QRFPR: variants seen among roughly 807,000 people sequenced by gnomAD.
QRFPR encodes pyroglutamylated RFamide peptide receptor.
In QRFPR, 37 loss-of-function variants were observed where a neutral mutation model predicts 31.3. That is an observed-to-expected ratio of 1.18 (90% CI 0.91 to 1.56). The LOEUF is 1.56. Among genes scored for constraint, QRFPR ranks in the 40% most tolerant of loss-of-function variants. The pLI is 0.00. For synonymous variants in QRFPR, 197 were observed against 192.0 expected, an observed-to-expected ratio of 1.03 and a Z score of -0.22; for missense variants, 542 against 532.5, an observed-to-expected ratio of 1.02 and a Z score of -0.18.
chr4:121,370,963 T>C (rs1014443500), intron 1 of QRFPR, among the ~76,000 whole-genome samples: 1 of 152,208 alleles, frequency 6.6e-6, no homozygotes, highest in Non-Finnish European at 1.5e-5. Context: ...CTTCTCTCCT[T>C]GGTCTTCTAA....
At position 121,348,678 on chromosome 4, in the gene QRFPR, T is replaced by C. The variant is rs1394817680; in HGVS notation, c.341-8068A>G. On this transcript the variant is annotated intron_variant, in intron 1 of 5. Coordinates refer to ENST00000394427, the MANE Select transcript of QRFPR (RefSeq NM_198179.3). ...ATTCTTATATATCTTAAAATGGCTG[T>C]AGTTTGACTTAAATTCAACATCATC... 2.0e-5 allele frequency among the ~76,000 whole-genome samples: 3 copies of C among 152,214 alleles called. No homozygotes were observed. The South Asian group carries it at 6.2e-4, about 31-fold the overall frequency.
chr4:121,332,031 G>T (rs1725337504), intron 4 of QRFPR, among the ~76,000 whole-genome samples: 1 of 152,106 alleles, frequency 6.6e-6, no homozygotes, highest in African/African-American at 2.4e-5. Flanking sequence ...GTCCCAAGGT[G>T]CGGACAGTCT....
chr4:121,329,270 G>A lies in QRFPR; in HGVS notation c.*44C>T. The stretch of plus-strand genomic sequence containing the variant: ...CTTTGCTCAAAATAATTTTCTCTTT[G>A]GGTTACAATCTGAAGGGCATTAATT... On this transcript the variant is annotated 3_prime_UTR_variant, in exon 6 of 6. Coordinates refer to ENST00000394427, the MANE Select transcript of QRFPR (RefSeq NM_198179.3). The A allele has an allele frequency of 7.1e-7, 1 of 1,408,386 alleles. No homozygotes were observed. The highest frequency in any genetic ancestry group is 9.7e-7 in the Non-Finnish European group (1 of 1,035,100). The allele number at this position is 1,408,386 out of a possible 1,614,324, so 87.2% of individuals were successfully genotyped here.
intron 1 of QRFPR, among the ~76,000 whole-genome samples, chr4:121,350,202 G>T (rs1166333008): frequency 6.6e-6 from 1 of 152,092 alleles, no homozygotes; most frequent in Non-Finnish European, 1.5e-5. Context: ...GTCATTTTAG[G>T]ATGAAAAACT....
chr4:121,329,911 G>T (rs1177562419), intron 5 of QRFPR, among the ~76,000 whole-genome samples, 197 bp from the exon 6 acceptor site: 1 of 152,140 alleles, frequency 6.6e-6, no homozygotes, highest in Non-Finnish European at 1.5e-5. Flanking sequence ...GAGAATCTAG[G>T]TTTACATGCG....
At chr4:121,370,884 C>T (rs1413748061) in intron 1 of QRFPR, among the ~76,000 whole-genome samples, 1 of 152,084 alleles carries the variant, frequency 6.6e-6, no homozygotes, top group Non-Finnish European at 1.5e-5. Flanking sequence ...GATCTAAAAC[C>T]TGTATCTTTG....
chr4:121,357,233 T>C (rs1006369313), intron 1 of QRFPR, among the ~76,000 whole-genome samples: 3 of 152,086 alleles, frequency 2.0e-5, no homozygotes, highest in African/African-American at 7.2e-5. Context: ...AGAGGTTGTC[T>C]GCATTCCTTG....
At chr4:121,348,779 A>G (rs565480248) in intron 1 of QRFPR, among the ~76,000 whole-genome samples, 8 of 152,238 alleles carry the variant, frequency 5.3e-5, no homozygotes, top group Non-Finnish European at 1.2e-4. Context: ...CTATATTGTC[A>G]GCTTGATTTT....
intron 1 of QRFPR, among the ~76,000 whole-genome samples, chr4:121,373,058 C>T (rs13119176): frequency 0.16 from 24,563 of 152,084 alleles, 2,539 homozygotes; most frequent in Non-Finnish European, 0.24. Context: ...GTAGAATATT[C>T]CCTTTTTTTT....
chr4:121,378,408 T>A (rs1194535277), intron 1 of QRFPR, among the ~76,000 whole-genome samples: 1 of 64,848 alleles, frequency 1.5e-5, no homozygotes, highest in African/African-American at 8.8e-5. Flanking sequence ...CTCACTGCAC[T>A]TTTTTTTTTT....
chr4:121,341,644 A>G (rs1216423780), intron 1 of QRFPR, among the ~76,000 whole-genome samples: 1 of 152,196 alleles, frequency 6.6e-6, no homozygotes, highest in African/African-American at 2.4e-5. Flanking sequence ...TATATTGTAT[A>G]TAACTACCTT....
intron 1 of QRFPR, among the ~76,000 whole-genome samples, chr4:121,342,029 G>T (rs899187636): frequency 6.6e-6 from 1 of 152,192 alleles, no homozygotes; most frequent in Non-Finnish European, 1.5e-5. Flanking sequence ...ATATGCCTGC[G>T]AGGGTGTTTC....
At chr4:121,342,708 AT>A (rs71599122) in intron 1 of QRFPR, among the ~76,000 whole-genome samples, 3 of 151,770 alleles carry the variant, frequency 2.0e-5, no homozygotes, top group African/African-American at 7.3e-5. Flanking sequence ...ATTTTTGTCT[AT>A]TTTTTTCGCT....
rs112927828 is a variant in QRFPR, at chr4:121,362,501, A to G, written c.340+17807T>C. Among the ~76,000 whole-genome samples, 909 of 150,104 alleles carry G rather than the reference A, an allele frequency of 6.1e-3. 64 individuals carry two copies. Among genetic ancestry groups the G allele is most frequent in the African/African-American group, 0.022 (876 of 40,598 alleles). ...TCTAAAGTTTATATGGAGAGGCAAA[A>G]GACCAGGAATAACTAACACAAAATT... On this transcript the variant is annotated intron_variant, in intron 1 of 5. Transcript: ENST00000394427.
rs192015148 is a variant in QRFPR, at chr4:121,378,561, G to A, written c.340+1747C>T. ...CCTGAGCAGCTGGGACTATAGGTGC[G>A]TGCCACGATGCCCGGCTAATTTTTT... On this transcript the variant is annotated intron_variant, in intron 1 of 5. Coordinates refer to ENST00000394427, the MANE Select transcript of QRFPR (RefSeq NM_198179.3). Among the ~76,000 whole-genome samples the A allele has an allele frequency of 5.5e-3, 837 of 152,012 alleles. 3 individuals carry two copies. The highest frequency in any genetic ancestry group is 0.01 in the Non-Finnish European group (693 of 67,966).
Position 121,353,980 on chromosome 4 carries a change from A to G in QRFPR, c.341-13370T>C, listed in dbSNP as rs556221487. Reference sequence around the variant, plus strand: ...TTGAAGAGACTGTCCTTTCCCTAGTATATGTTCTTGGTACCTTTGTCAAAA... The same window carrying G: ...TTGAAGAGACTGTCCTTTCCCTAGTGTATGTTCTTGGTACCTTTGTCAAAA... On this transcript the variant is annotated intron_variant, in intron 1 of 5. Coordinates refer to ENST00000394427, the MANE Select transcript of QRFPR (RefSeq NM_198179.3). Among the ~76,000 whole-genome samples the G allele has an allele frequency of 2.4e-3, 366 of 152,058 alleles. 2 individuals are homozygous for G. Among genetic ancestry groups the G allele is most frequent in the African/African-American group, 8.2e-3 (341 of 41,522 alleles).
At position 121,358,114 on chromosome 4, in the gene QRFPR, C is replaced by G. The variant is rs56029221; in HGVS notation, c.341-17504G>C. Among the ~76,000 whole-genome samples the G allele has an allele frequency of 7.9e-5, 12 of 152,064 alleles. No individual in the cohort carries two copies. The South Asian group carries it at 1.9e-3, about 24-fold the overall frequency. Reference sequence around the variant, plus strand: ...ATTCTTTTTGAATATAGTCAAAATACTTTTTAAAAAAGCAAAAATCTGGGT... The same window carrying G: ...ATTCTTTTTGAATATAGTCAAAATAGTTTTTAAAAAAGCAAAAATCTGGGT... On this transcript the variant is annotated intron_variant, in intron 1 of 5. Transcript: ENST00000394427.
intron 1 of QRFPR, among the ~76,000 whole-genome samples, chr4:121,377,256 A>G (rs2110486823): frequency 6.6e-6 from 1 of 152,306 alleles, no homozygotes; most frequent in South Asian, 2.1e-4. Context: ...CCACTCCAGC[A>G]TGCTGCAATC....
At chr4:121,335,018 G>A (rs1725404206) in intron 3 of QRFPR, among the ~76,000 whole-genome samples, 2 of 152,164 alleles carry the variant, frequency 1.3e-5, no homozygotes, top group African/African-American at 2.4e-5. Flanking sequence ...GGAGTGAGAA[G>A]GTAGCCATGG....
Sources: gnomAD v4.1 joint callset for allele counts (sites outside exome capture counted in the v4.1 genomes callset) on GRCh38, gnomAD v4.1.1 for gene constraint, MANE v1.5 for transcripts, NCBI Gene and HGNC (gene_info 2026-07-23, HGNC 2026-07-21) for gene names.